Variants in PDE4B observed in about 807,000 individuals in gnomAD.
The protein encoded by PDE4B is 3',5'-cyclic-AMP phosphodiesterase 4B.
In PDE4B, 20 loss-of-function variants were observed where a neutral mutation model predicts 82.2. The observed-to-expected ratio is 0.24, with a 90% confidence interval of 0.17 to 0.35. PDE4B has a LOEUF of 0.35. PDE4B is among the 10% of genes least tolerant of loss of function. The pLI, the probability that PDE4B is intolerant of heterozygous loss-of-function variation, is 1.00. For missense variants in PDE4B, 655 were observed against 907.2 expected (o/e 0.72, Z 3.57); for synonymous variants, 320 against 318.9 (o/e 1.00, Z -0.04).
chr1:65,866,822 A>G (rs1404749835), intron 1 of PDE4B, among the ~76,000 whole-genome samples: 2 of 152,242 alleles, frequency 1.3e-5, no homozygotes, highest in Non-Finnish European at 2.9e-5. Context: ...AGAGACTTCC[A>G]GGGAATATTG....
intron 3 of PDE4B, among the ~76,000 whole-genome samples, chr1:66,041,289 CAA>C: frequency 6.6e-6 from 1 of 152,022 alleles, no homozygotes; most frequent in Non-Finnish European, 1.5e-5. Flanking sequence ...ATCCAGTACT[CAA>C]AGATGTGCAA....
chr1:66,214,196 G>A (rs866866559), intron 3 of PDE4B, among the ~76,000 whole-genome samples: 1 of 152,118 alleles, frequency 6.6e-6, no homozygotes, highest in Non-Finnish European at 1.5e-5. Context: ...TCCAAAAGTG[G>A]AACAAGCATT....
intron 1 of PDE4B, among the ~76,000 whole-genome samples, chr1:65,881,322 C>G (rs186108717): frequency 6.6e-6 from 1 of 152,266 alleles, no homozygotes; most frequent in East Asian, 1.9e-4. Context: ...AGTTACTGAT[C>G]ATTGTGGAGG....
At chr1:65,812,510 G>A (rs558627743) in intron 1 of PDE4B, among the ~76,000 whole-genome samples, 1 of 152,230 alleles carries the variant, frequency 6.6e-6, no homozygotes, top group South Asian at 2.1e-4. Context: ...ATAGGTTGGT[G>A]GCATTAAATT....
intron 3 of PDE4B, among the ~76,000 whole-genome samples, chr1:66,025,461 A>G (rs1653383958): frequency 1.3e-5 from 2 of 152,178 alleles, no homozygotes; most frequent in African/African-American, 4.8e-5. Context: ...GATCTCATTA[A>G]AAATAAATAT....
chr1:65,796,181 T>C (rs1645629825), intron 1 of PDE4B, among the ~76,000 whole-genome samples: 1 of 152,236 alleles, frequency 6.6e-6, no homozygotes. Context: ...AGTTTGATTA[T>C]GATGTGTTTT....
chr1:66,130,808 C>G (rs1645925342), intron 3 of PDE4B, among the ~76,000 whole-genome samples: 1 of 152,224 alleles, frequency 6.6e-6, no homozygotes, highest in Admixed American at 6.5e-5. Context: ...CTCCCTCTGT[C>G]AAATCCTGTT....
chr1:66,191,330 AG>A (rs1396531390), intron 3 of PDE4B, among the ~76,000 whole-genome samples: 1 of 152,206 alleles, frequency 6.6e-6, no homozygotes, highest in Admixed American at 6.5e-5. Context: ...TAAACACTTA[AG>A]CATCTTCTTT....
chr1:65,905,357 G>C (rs889754186), intron 1 of PDE4B, among the ~76,000 whole-genome samples: 6 of 152,076 alleles, frequency 3.9e-5, no homozygotes, highest in African/African-American at 1.4e-4. Flanking sequence ...GAGACAAGAA[G>C]GGCATGCTGG....
Position 65,941,368 on chromosome 1 carries a change from G to A in PDE4B, c.281+22533G>A, listed in dbSNP as rs138081976. Among the ~76,000 whole-genome samples, 886 of 152,016 alleles carry A rather than the reference G, an allele frequency of 5.8e-3. 7 individuals are homozygous for A. Among genetic ancestry groups the A allele is most frequent in the Non-Finnish European group, 6.5e-3 (440 of 67,940 alleles). ...GAAATATACCAAAATTCTTATTTCC[G>A]GATTCCTAAAAACTGAGAAGTGACC... On this transcript the variant is annotated intron_variant, in intron 3 of 16. Coordinates refer to ENST00000341517, the MANE Select transcript of PDE4B (RefSeq NM_002600.4).
At chr1:65,891,748 A>G (rs890038588) in intron 1 of PDE4B, among the ~76,000 whole-genome samples, 5 of 152,074 alleles carry the variant, frequency 3.3e-5, no homozygotes, top group African/African-American at 1.2e-4. Flanking sequence ...TTGCAGTGCA[A>G]GGTGCACTGT....
Position 65,847,983 on chromosome 1 carries a change from C to A in PDE4B, c.-71+54735C>A, listed in dbSNP as rs1375644381. 2.0e-5 allele frequency among the ~76,000 whole-genome samples: 3 copies of A among 151,630 alleles called. No individual in the cohort carries two copies. The East Asian group carries it at 5.8e-4, about 29-fold the overall frequency. ...ATTTGGAAACTCAGCTTTATCAGTA[C>A]AATAAAAGTTGAGCAAGCTCAGCAA... On this transcript the variant is annotated intron_variant, in intron 1 of 16. Transcript: ENST00000341517.
intron 3 of PDE4B, among the ~76,000 whole-genome samples, chr1:66,080,211 A>G (rs1026820327): frequency 1.3e-5 from 2 of 152,142 alleles, no homozygotes; most frequent in Non-Finnish European, 2.9e-5. Context: ...TTCCATTCCC[A>G]AGTGAGAAAG....
chr1:66,125,813 G>A (rs540808830), intron 3 of PDE4B, among the ~76,000 whole-genome samples: 9 of 152,016 alleles, frequency 5.9e-5, no homozygotes, highest in Admixed American at 2.0e-4. Context: ...CTTTTGTGTT[G>A]TTTTGTTTTT....
chr1:66,303,506 A>G (rs766798734), intron 7 of PDE4B, among the ~76,000 whole-genome samples: 4 of 152,082 alleles, frequency 2.6e-5, no homozygotes, highest in South Asian at 2.1e-4. Flanking sequence ...ATTGTTAGCT[A>G]AAGTCACCGT....
chr1:66,046,089 G>A (rs1033879203), intron 3 of PDE4B: 2 of 151,840 alleles, frequency 1.3e-5, no homozygotes, highest in Non-Finnish European at 1.5e-5. Context: ...AGGAAAACCA[G>A]TTAGGAAGTG....
intron 3 of PDE4B, among the ~76,000 whole-genome samples, chr1:66,058,450 G>A (rs576339846): frequency 6.6e-6 from 1 of 152,336 alleles, no homozygotes; most frequent in East Asian, 1.9e-4. Context: ...TGGGGGCTCT[G>A]ACTACACATT....
chr1:65,936,385 A>C (rs1328082105), intron 3 of PDE4B, among the ~76,000 whole-genome samples: 3 of 152,204 alleles, frequency 2.0e-5, no homozygotes, highest in African/African-American at 7.2e-5. Flanking sequence ...ATGCTACGAC[A>C]TTATTATATC....
At chr1:66,085,900 G>A (rs945018227) in intron 3 of PDE4B, among the ~76,000 whole-genome samples, 3 of 152,026 alleles carry the variant, frequency 2.0e-5, no homozygotes, top group Admixed American at 2.0e-4. Flanking sequence ...CTCATCCCAC[G>A]CTGCTGCTTG....
Sources: allele counts gnomAD v4.1 joint callset (sites outside exome capture counted in the v4.1 genomes callset), GRCh38; gene constraint gnomAD v4.1.1; transcripts MANE v1.5; gene names NCBI Gene and HGNC (gene_info 2026-07-23, HGNC 2026-07-21).